FANCI: variants seen among roughly 807,000 people sequenced by gnomAD.
FANCI encodes the protein Fanconi anemia group I protein.
Under a neutral mutation model 176.1 loss-of-function variants are expected in FANCI, and 156 were observed. That is an observed-to-expected ratio of 0.89 (90% CI 0.78 to 1.01). FANCI has a LOEUF of 1.01. Ranked by LOEUF, FANCI falls within the 50% of genes least tolerant of loss-of-function variation. FANCI has a pLI of 0.00. For synonymous variants in FANCI, 613 were observed against 541.7 expected (o/e 1.13, Z -1.83); for missense variants, 1,678 against 1,534.1 (o/e 1.09, Z -1.57).
At position 89,314,480 on chromosome 15, in the gene FANCI, A is replaced by ATACAAG. The variant is rs55725136; in HGVS notation, c.3721-127_3721-126insGTACAA. 0.49 allele frequency: 351,265 copies of ATACAAG among 715,252 alleles called. 89,979 individuals carry two copies. Among genetic ancestry groups the ATACAAG allele is most frequent in the African/African-American group, 0.79 (44,650 of 56,276 alleles). The allele number at this position is 715,252 out of a possible 1,614,324, so 44.3% of individuals were successfully genotyped here. On this transcript the variant is annotated intron_variant, in intron 35 of 37. Coordinates refer to ENST00000310775, the MANE Select transcript of FANCI (RefSeq NM_001113378.2). ...CTGCCAAAAATTTTAGATTACTGGTATACAACTGCATTTGATTGGGAGACA... is the reference window on the plus strand; with the variant it reads ...CTGCCAAAAATTTTAGATTACTGGTATACAAGTACAACTGCATTTGATTGGGAGACA...
intron 11 of FANCI, 84 bp from the exon 12 acceptor site, chr15:89,274,084 T>C (rs997340416): frequency 9.1e-7 from 1 of 1,101,344 alleles, no homozygotes; most frequent in Middle Eastern, 3.0e-4. Flanking sequence ...ATATTTGCTT[T>C]ATTTTCTTAT....
chr15:89,257,694 G>A (rs1026691256), intron 2 of FANCI, among the ~76,000 whole-genome samples: 7 of 152,118 alleles, frequency 4.6e-5, no homozygotes, highest in Non-Finnish European at 8.8e-5. Context: ...GTCACATTCT[G>A]AAATACTGGG....
At position 89,249,044 on chromosome 15, in the gene FANCI, G is replaced by C. The variant is rs74033565; in HGVS notation, c.84+1313G>C. Among the ~76,000 whole-genome samples, 649 of 152,200 alleles carry C rather than the reference G, an allele frequency of 4.3e-3. 6 individuals are homozygous for C. The highest frequency in any genetic ancestry group is 0.015 in the African/African-American group (620 of 41,524). ...TACCAAAACAACAAACTTTATATCT[G>C]TTAACTGTCACCTTTTTTAGATTCA... On this transcript the variant is annotated intron_variant, in intron 2 of 37. Transcript: ENST00000310775.
In FANCI at chr15:89,273,427, T is replaced by C. The variant is rs1451535934; in HGVS notation, c.933T>C (p.Ala311=). ...ATAACTTAAGTCCCTTCAGCATTGC[T>C]CTTCTTCTGTCTGTAACAAGAATAC... is the stretch of plus-strand genomic sequence containing the variant. ...SNNNLSPFSI[A]LLLSVTRIQR... The change falls in exon 11 of 38, where the codon GCT becomes GCC. Residue 311 remains alanine, a synonymous_variant. Coordinates refer to ENST00000310775, the MANE Select transcript of FANCI (RefSeq NM_001113378.2). The C allele has an allele frequency of 6.2e-7, 1 of 1,609,016 alleles. No individual in the cohort carries two copies. The highest frequency in any genetic ancestry group is 1.7e-5 in the Admixed American group (1 of 59,792).
chr15:89,312,860 A>G (rs904581073), intron 34 of FANCI, 44 bp from the exon 35 acceptor site: 2 of 1,530,014 alleles, frequency 1.3e-6, no homozygotes, highest in Non-Finnish European at 1.8e-6. Flanking sequence ...CTAGCTCCAC[A>G]GAAAAATCAT....
At chr15:89,246,302 T>A (rs1264356098) in intron 1 of FANCI, among the ~76,000 whole-genome samples, 1 of 152,344 alleles carries the variant, frequency 6.6e-6, no homozygotes, top group East Asian at 1.9e-4. Flanking sequence ...AACTTCCAAA[T>A]GGTCTCTTAG....
At chr15:89,296,998 G>T (rs1368679097) in intron 24 of FANCI, among the ~76,000 whole-genome samples, 2 of 151,318 alleles carry the variant, frequency 1.3e-5, no homozygotes, top group African/African-American at 4.9e-5. Flanking sequence ...CCCGGACGGG[G>T]CGGCTGGCCT....
intron 36 of FANCI, 59 bp from the exon 37 acceptor site, chr15:89,315,223 A>C: frequency 7.7e-7 from 1 of 1,295,676 alleles, no homozygotes; most frequent in Non-Finnish European, 1.1e-6. Context: ...AAATGGCTTA[A>C]GCTGTTCTGG....
chr15:89,307,860 A>G, intron 34 of FANCI, 188 bp downstream of exon 34: 2 of 1,462,436 alleles, frequency 1.4e-6, no homozygotes, highest in Non-Finnish European at 1.8e-6. Context: ...TATGTAAAGA[A>G]AACTGTTTCA....
At chr15:89,281,053 TACTTG>T (rs2053596498) in intron 14 of FANCI, 112 bp from the exon 15 acceptor site, 3 of 1,017,462 alleles carry the variant, frequency 2.9e-6, no homozygotes, top group Non-Finnish European at 4.5e-6. Flanking sequence ...TATTGCAGTA[TACTTG>T]ACTTATTTGA....
At chr15:89,314,139 G>T (rs2055099002) in intron 35 of FANCI, among the ~76,000 whole-genome samples, 3 of 53,120 alleles carry the variant, frequency 5.6e-5, no homozygotes, top group Admixed American at 4.8e-4. Context: ...AAAAACGTAG[G>T]ACCACACACA....
At chr15:89,271,332 G>T (rs1371129178) in intron 10 of FANCI, among the ~76,000 whole-genome samples, 1 of 151,854 alleles carries the variant, frequency 6.6e-6, no homozygotes, top group Non-Finnish European at 1.5e-5. Context: ...CCAGTCCCAG[G>T]TAACCACTAA....
In FANCI at chr15:89,268,721, A is replaced by G; in HGVS notation, c.882+196A>G. On this transcript the variant is annotated intron_variant, in intron 10 of 37. Coordinates refer to ENST00000310775, the MANE Select transcript of FANCI (RefSeq NM_001113378.2). ...ACACTCCCTTTTTTTTAATGTCCTC[A>G]CTTTAGCAGTATACCACATCCTTAA... 5.0e-6 allele frequency: 3 copies of G among 604,844 alleles called. No individual in the cohort carries two copies. The South Asian group carries it at 5.9e-5, about 12-fold the overall frequency. 37.5% of individuals were successfully genotyped at this position (604,844 alleles called of 1,614,324 possible). A position where few individuals can be genotyped will look rare whatever the true frequency, so the allele number is the denominator to read the frequency against.
At chr15:89,309,212 A>G (rs2151953605) in intron 34 of FANCI, among the ~76,000 whole-genome samples, 1 of 152,296 alleles carries the variant, frequency 6.6e-6, no homozygotes, top group South Asian at 2.1e-4. Flanking sequence ...TCATGCTTGT[A>G]AATTTTCATG....
At chr15:89,279,551 T>C (rs1171021420) in intron 14 of FANCI, among the ~76,000 whole-genome samples, 1 of 152,226 alleles carries the variant, frequency 6.6e-6, no homozygotes. Flanking sequence ...TTCATCACTG[T>C]TTATAACTCC....
intron 34 of FANCI, chr15:89,307,911 G>A (rs1396806070): frequency 7.2e-7 from 1 of 1,392,340 alleles, no homozygotes; most frequent in Non-Finnish European, 9.3e-7. Flanking sequence ...TGCATTTGGA[G>A]CAAGGAAGGA....
chr15:89,284,670 G>C (rs2053747607), intron 17 of FANCI, among the ~76,000 whole-genome samples: 2 of 152,158 alleles, frequency 1.3e-5, no homozygotes, highest in South Asian at 4.1e-4. Context: ...TCAGTTCTTT[G>C]TCATGTCCAT....
intron 1 of FANCI, 161 bp from the exon 2 acceptor site, chr15:89,247,465 TAAG>T (rs986528651): frequency 4.8e-5 from 30 of 622,800 alleles, no homozygotes; most frequent in Middle Eastern, 3.0e-4. Context: ...CCACTGAGCT[TAAG>T]AAGAAGAAGA....
chr15:89,273,312 AAAAAAAAAAAAAAAG>A (rs2053271552), intron 10 of FANCI, 50 bp from the exon 11 acceptor site: 1 of 366,190 alleles, frequency 2.7e-6, no homozygotes, highest in Non-Finnish European at 4.5e-6. Context: ...TTTTTTTTTA[AAAAAAAAAAAAAAAG>A]AAAAAAGAAA....
Sources: gnomAD v4.1 joint callset for allele counts (sites outside exome capture counted in the v4.1 genomes callset) on GRCh38, gnomAD v4.1.1 for gene constraint, MANE v1.5 for transcripts, NCBI Gene and HGNC (gene_info 2026-07-23, HGNC 2026-07-21) for gene names.